The following SAMSN1 variants were observed in gnomAD, a reference collection of about 807,000 sequenced individuals.
SAMSN1 encodes SAM domain, SH3 domain and nuclear localization signals 1.
In SAMSN1, 31 loss-of-function variants were observed where a neutral mutation model predicts 42.0. The observed-to-expected ratio is 0.74, with a 90% CI of 0.55 to 1.00. The LOEUF (loss-of-function observed/expected upper bound fraction) is 1.00, where lower values mean the gene tolerates loss of function less well. Ranked by LOEUF, SAMSN1 falls within the 50% of genes least tolerant of loss-of-function variation. The probability of loss-of-function intolerance (pLI) is 0.00; values close to 1 mark genes in which losing one functional copy is unlikely to be tolerated. For missense variants in SAMSN1, 464 were observed against 439.4 expected (o/e 1.06, Z -0.50); for synonymous variants, 178 against 151.9 (o/e 1.17, Z -1.26).
intron 7 of SAMSN1, among the ~76,000 whole-genome samples, chr21:14,588,873 T>C (rs201338698): frequency 0.28 from 43,239 of 151,918 alleles, 6,931 homozygotes; most frequent in African/African-American, 0.45. Flanking sequence ...TTCTTTTCAC[T>C]TTTGTCTTTG....
chr21:14,541,666 T>C (rs1980043174), intron 1 of SAMSN1, among the ~76,000 whole-genome samples: 1 of 152,202 alleles, frequency 6.6e-6, no homozygotes, highest in African/African-American at 2.4e-5. Flanking sequence ...AGAAACTTCA[T>C]TCACTTTACA....
intron 2 of SAMSN1, among the ~76,000 whole-genome samples, chr21:14,569,345 C>A (rs1981218716): frequency 6.6e-6 from 1 of 152,236 alleles, no homozygotes; most frequent in Non-Finnish European, 1.5e-5. Context: ...AAAGATAATT[C>A]TCTTCCACAT....
chr21:14,602,681 G>T (rs541367319), intron 5 of SAMSN1, among the ~76,000 whole-genome samples: 2 of 152,114 alleles, frequency 1.3e-5, no homozygotes, highest in Non-Finnish European at 2.9e-5. Flanking sequence ...GAAATATATG[G>T]TATGTTAAAA....
At chr21:14,549,476 G>C (rs1322456576), upstream of SAMSN1, among the ~76,000 whole-genome samples, 1 of 152,050 alleles carries the variant, frequency 6.6e-6, no homozygotes, top group East Asian at 1.9e-4. Context: ...AGTTGGTTGG[G>C]CACAATCTTA....
intron 2 of SAMSN1, among the ~76,000 whole-genome samples, chr21:14,578,294 G>A (rs1362866538): frequency 6.6e-6 from 1 of 152,148 alleles, no homozygotes; most frequent in Non-Finnish European, 1.5e-5. Context: ...CACTCTGCCG[G>A]CAATGTCGGA....
chr21:14,523,855 C>G (rs776346996), intron 1 of SAMSN1, among the ~76,000 whole-genome samples: 41 of 152,080 alleles, frequency 2.7e-4, no homozygotes, highest in Non-Finnish European at 5.3e-4. Context: ...ATTAATTCTC[C>G]CCTCATTATA....
At chr21:14,614,177 G>A (rs2123329167) in intron 3 of SAMSN1, among the ~76,000 whole-genome samples, 1 of 152,190 alleles carries the variant, frequency 6.6e-6, no homozygotes, top group Admixed American at 6.5e-5. Flanking sequence ...TGCAGTAATG[G>A]TATTGTGATT....
At chr21:14,639,141 TA>T (rs1983535799) in intron 2 of SAMSN1, among the ~76,000 whole-genome samples, 1 of 152,230 alleles carries the variant, frequency 6.6e-6, no homozygotes, top group Admixed American at 6.5e-5. Context: ...TCAGTCAATA[TA>T]GACAGCAAGT....
intron 2 of SAMSN1, among the ~76,000 whole-genome samples, chr21:14,579,807 C>T (rs576123448): frequency 1.3e-5 from 2 of 151,828 alleles, no homozygotes; most frequent in Admixed American, 6.6e-5. Flanking sequence ...TATTGAGGAC[C>T]CATTACATTA....
upstream of SAMSN1, among the ~76,000 whole-genome samples, chr21:14,547,525 G>A (rs1447927450): frequency 6.6e-6 from 1 of 152,132 alleles, no homozygotes; most frequent in Non-Finnish European, 1.5e-5. Context: ...TGAAACTCTG[G>A]TTCCATTTGA....
At chr21:14,593,889 C>T in intron 7 of SAMSN1, 3 of 587,760 alleles carry the variant, frequency 5.1e-6, no homozygotes, top group South Asian at 4.4e-5. Context: ...AGAAACACTT[C>T]CATGTGGCAG....
At chr21:14,604,548 A>T (rs1982517045) in intron 5 of SAMSN1, among the ~76,000 whole-genome samples, 1 of 152,190 alleles carries the variant, frequency 6.6e-6, no homozygotes. Context: ...CCTTGTCTCA[A>T]AAAGCAAAAA....
At chr21:14,533,182 A>G (rs1477518915) in intron 1 of SAMSN1, among the ~76,000 whole-genome samples, 2 of 152,068 alleles carry the variant, frequency 1.3e-5, no homozygotes, top group Non-Finnish European at 2.9e-5. Context: ...CTCCCAAAGC[A>G]TTGGGATTAC....
At chr21:14,585,343 T>C (rs577597430), upstream of SAMSN1, 3 of 152,340 alleles carry the variant, frequency 2.0e-5, no homozygotes, top group East Asian at 5.8e-4. Context: ...TCTATTCTTA[T>C]GGCAACTTCT....
At chr21:14,498,019 A>T (rs1249769590) in intron 7 of SAMSN1, among the ~76,000 whole-genome samples, 1 of 152,228 alleles carries the variant, frequency 6.6e-6, no homozygotes. Flanking sequence ...ATGTGGTCAT[A>T]AAATGAGTTT....
chr21:14,639,001 A>G (rs1485434544), intron 2 of SAMSN1, among the ~76,000 whole-genome samples: 2 of 152,222 alleles, frequency 1.3e-5, no homozygotes, highest in South Asian at 4.1e-4. Flanking sequence ...AATGACCACT[A>G]TGCAGAAGAT....
chr21:14,503,107 C>T (rs979649485), intron 5 of SAMSN1, among the ~76,000 whole-genome samples: 1 of 152,154 alleles, frequency 6.6e-6, no homozygotes, highest in African/African-American at 2.4e-5. Context: ...ATATCACACT[C>T]ATGATTATGT....
intron 5 of SAMSN1, among the ~76,000 whole-genome samples, chr21:14,607,606 A>G (rs1242481319): frequency 1.3e-5 from 2 of 152,220 alleles, no homozygotes; most frequent in East Asian, 1.9e-4. Flanking sequence ...AAAGCTGGGA[A>G]AAATTCTGTA....
chr21:14,586,278 AGAAAAAGAAAAAAAAAG>A (rs1981915931), upstream of SAMSN1, among the ~76,000 whole-genome samples: 1 of 140,474 alleles, frequency 7.1e-6, no homozygotes, highest in Non-Finnish European at 1.5e-5. Context: ...AAAAAAAAAA[AGAAAAAGAAAAAAAAAG>A]AAAAATCCTC....
Sources: gnomAD v4.1 joint callset for allele counts (sites outside exome capture counted in the v4.1 genomes callset) on GRCh38, gnomAD v4.1.1 for gene constraint, MANE v1.5 for transcripts, NCBI Gene and HGNC (gene_info 2026-07-23, HGNC 2026-07-21) for gene names.